The following IWS1 variants were observed in gnomAD, a reference collection of about 807,000 sequenced individuals.
IWS1 encodes the protein protein IWS1 homolog.
IWS1 carries 27 observed loss-of-function variants against 86.7 expected under a neutral mutation model. That is an observed-to-expected ratio of 0.31 (90% CI 0.23 to 0.43). The LOEUF (loss-of-function observed/expected upper bound fraction) is 0.43, where lower values mean the gene tolerates loss of function less well. IWS1 is among the 20% of genes least tolerant of loss of function. The pLI is 1.00. For missense variants in IWS1, 827 were observed against 1,000.8 expected, an observed-to-expected ratio of 0.83 and a Z score of 2.34; for synonymous variants, 313 against 335.1, an observed-to-expected ratio of 0.93 and a Z score of 0.72.
intron 13 of IWS1, 52 bp from the exon 14 acceptor site, chr2:127,481,227 G>C (rs1689605834): frequency 3.9e-6 from 6 of 1,522,184 alleles, no homozygotes; most frequent in Non-Finnish European, 5.3e-6. Flanking sequence ...CGTAAGTCTA[G>C]TTATGTCTTT....
chr2:127,494,976 A>AC, intron 7 of IWS1, 22 bp from the exon 8 acceptor site: 2 of 1,459,010 alleles, frequency 1.4e-6, no homozygotes, highest in Non-Finnish European at 1.9e-6. Context: ...AAAAATAAAG[A>AC]TTTTTTTTTA....
At chr2:127,510,192 T>C (rs1334827066) in intron 2 of IWS1, among the ~76,000 whole-genome samples, 3 of 152,226 alleles carry the variant, frequency 2.0e-5, no homozygotes, top group African/African-American at 7.2e-5. Context: ...CCAGAAGATA[T>C]AGCTGAAACT....
rs184841286 is a variant in IWS1, at chr2:127,499,708, T to C, written c.1468-1471A>G. On this transcript the variant is annotated intron_variant, in intron 5 of 13. Coordinates refer to ENST00000295321, the MANE Select transcript of IWS1 (RefSeq NM_017969.3). This position sits in a 1 kb window ranked among gnomAD's most constrained non-coding sequence, Gnocchi z 4.0. ...TGTCCTGAATTAGATTCTAAATTCA[T>C]CTACCTTCACTCTCTATTGCATTGG... 6.6e-6 allele frequency among the ~76,000 whole-genome samples: 1 copy of C among 152,332 alleles called. No individual in the cohort carries two copies. Among genetic ancestry groups the C allele is most frequent in the East Asian group, 1.9e-4 (1 of 5,194 alleles).
At chr2:127,518,968 T>C (rs943120207) in intron 2 of IWS1, among the ~76,000 whole-genome samples, 1 of 152,266 alleles carries the variant, frequency 6.6e-6, no homozygotes, top group African/African-American at 2.4e-5. Flanking sequence ...GTACTGGTTT[T>C]TCCTTTTCCC....
chr2:127,526,819 C>T (rs534629951), upstream of IWS1: 1 of 631,946 alleles, frequency 1.6e-6, no homozygotes, highest in African/African-American at 1.9e-5. Context: ...CCCGTCAGGC[C>T]CAGAGGCGCC....
intron 13 of IWS1, among the ~76,000 whole-genome samples, chr2:127,485,563 A>G (rs12476558): frequency 0.51 from 77,120 of 152,100 alleles, 21,415 homozygotes; most frequent in Admixed American, 0.66. Flanking sequence ...CCTGTAACAC[A>G]TATCACTGTA....
intron 12 of IWS1, among the ~76,000 whole-genome samples, chr2:127,486,937 A>G (rs928429268): frequency 1.3e-5 from 2 of 152,154 alleles, no homozygotes; most frequent in Non-Finnish European, 1.5e-5. Flanking sequence ...AGCTTCAGAT[A>G]TACTCATGCC....
intron 2 of IWS1, among the ~76,000 whole-genome samples, chr2:127,506,437 T>C (rs1691154748): frequency 6.6e-6 from 1 of 152,184 alleles, no homozygotes; most frequent in South Asian, 2.1e-4. Flanking sequence ...GTAACCAAGT[T>C]CTTTTACACA....
chr2:127,493,464 TC>T, intron 8 of IWS1, 54 bp from the exon 9 acceptor site: 1 of 1,500,936 alleles, frequency 6.7e-7, no homozygotes, highest in Non-Finnish European at 8.9e-7. Context: ...TACTGTATCT[TC>T]CGACTTTTCT....
intron 13 of IWS1, among the ~76,000 whole-genome samples, chr2:127,485,682 G>A (rs773347069): frequency 3.3e-5 from 5 of 152,170 alleles, no homozygotes; most frequent in Non-Finnish European, 5.9e-5. Flanking sequence ...TACTGATAAA[G>A]GAAGGGACTT....
At chr2:127,506,055 C>T (rs1373682232) in intron 2 of IWS1, among the ~76,000 whole-genome samples, 2 of 152,080 alleles carry the variant, frequency 1.3e-5, no homozygotes, top group East Asian at 1.9e-4. Flanking sequence ...TTTTAAAAGG[C>T]GAATTTTCTC....
chr2:127,496,177 TAC>T lies in IWS1; in HGVS notation c.1566-31_1566-30del, dbSNP rs1558748569. On this transcript the variant is annotated intron_variant, in intron 6 of 13. Transcript: ENST00000295321. ...AAGCAGTAAACAAAAGCAAGTGAAA[TAC>T]AAGTTGTCTTTTAAATACACATTTA... 8.2e-6 allele frequency: 13 copies of T among 1,590,302 alleles called. No homozygotes were observed. The South Asian group carries it at 1.5e-4, about 18-fold the overall frequency.
Position 127,505,307 on chromosome 2 carries a change from T to C in IWS1, c.596A>G (p.Glu199Gly). The change falls in exon 3 of 14, where the codon GAA becomes GGA. Residue 199 changes from glutamate to glycine, a missense_variant. Transcript: ENST00000295321. The surrounding 1 kb of genome is among the most constrained non-coding windows in gnomAD (Gnocchi z 5.0). The stretch of plus-strand genomic sequence containing the variant: ...TCGAGGTTTGGGAGGCTCCTCATTT[T>C]CGGAGTCACTGGCTTGGTGCCTTGG... ...EPPRHQASDS[E>G]NEEPPKPRMS... The C allele has an allele frequency of 6.2e-7, 1 of 1,613,952 alleles. No homozygotes were observed. The highest frequency in any genetic ancestry group is 8.5e-7 in the Non-Finnish European group (1 of 1,179,978).
intron 13 of IWS1, among the ~76,000 whole-genome samples, chr2:127,483,571 C>CGGGGGGGGGGGGGGGGGGGGGGGG: frequency 5.0e-5 from 1 of 20,174 alleles, no homozygotes; most frequent in Non-Finnish European, 8.3e-5. Context: ...ATAATTTGGT[C>CGGGGGGGGGGGGGGGGGGGGGGGG]GGGGCGGGGG....
At chr2:127,525,088 A>AGTAGGGGGGTTGGGTAGGGGC (rs1692321792) in intron 1 of IWS1, among the ~76,000 whole-genome samples, 1 of 70,520 alleles carries the variant, frequency 1.4e-5, no homozygotes, top group African/African-American at 6.0e-5. Flanking sequence ...GTAGAGACGA[A>AGTAGGGGGGTTGGGTAGGGGC]GTAGGGGGGT....
intron 2 of IWS1, among the ~76,000 whole-genome samples, chr2:127,517,779 A>G (rs2104735147): frequency 6.6e-6 from 1 of 152,380 alleles, no homozygotes; most frequent in African/African-American, 2.4e-5. Context: ...ACAAATGTTT[A>G]TAGCAGCATT....
At chr2:127,518,664 CAAGT>C (rs969358745) in intron 2 of IWS1, among the ~76,000 whole-genome samples, 18 of 147,966 alleles carry the variant, frequency 1.2e-4, no homozygotes, top group Admixed American at 1.2e-3. Flanking sequence ...CTCCCAGGTA[CAAGT>C]GATTCTCCGG....
intron 3 of IWS1, among the ~76,000 whole-genome samples, chr2:127,504,377 G>T (rs554954116): frequency 1.3e-5 from 2 of 151,384 alleles, no homozygotes; most frequent in Non-Finnish European, 2.9e-5. Flanking sequence ...TTATGTAAAC[G>T]TATTTCTTTG....
chr2:127,524,413 A>G (rs1033985532), intron 1 of IWS1, among the ~76,000 whole-genome samples: 1 of 151,978 alleles, frequency 6.6e-6, no homozygotes, highest in Non-Finnish European at 1.5e-5. Flanking sequence ...CTGGTCTCAA[A>G]CTCCTGGCCT....
Sources: gnomAD v4.1 joint callset for allele counts (sites outside exome capture counted in the v4.1 genomes callset) on GRCh38, gnomAD v4.1.1 for gene constraint, Gnocchi (gnomAD v3.1) non-coding constraint, MANE v1.5 for transcripts, NCBI Gene and HGNC (gene_info 2026-07-23, HGNC 2026-07-21) for gene names.